The following BNC2 variants were observed in gnomAD, a reference collection of about 807,000 sequenced individuals.
The protein encoded by BNC2 is zinc finger protein basonuclin-2.
Under a neutral mutation model 76.3 loss-of-function variants are expected in BNC2, and 20 were observed. The observed-to-expected ratio is 0.26, with a 90% CI of 0.18 to 0.38. The LOEUF (loss-of-function observed/expected upper bound fraction) is 0.38. Among genes scored for constraint, BNC2 ranks in the 10% least tolerant of loss-of-function variants. The pLI, the probability that BNC2 is intolerant of heterozygous loss-of-function variation, is 1.00. For missense variants in BNC2, 1,382 were observed against 1,399.8 expected, an observed-to-expected ratio of 0.99 and a Z score of 0.20; for synonymous variants, 582 against 514.8, an observed-to-expected ratio of 1.13 and a Z score of -1.77.
At chr9:16,471,118 C>A (rs530804078) in intron 5 of BNC2, among the ~76,000 whole-genome samples, 1 of 152,260 alleles carries the variant, frequency 6.6e-6, no homozygotes, top group East Asian at 1.9e-4. Context: ...GATGTGAGAC[C>A]TGGAGTCAAA....
intron 3 of BNC2, among the ~76,000 whole-genome samples, chr9:16,678,261 CTTTTTCT>C (rs1822713238): frequency 1.3e-5 from 1 of 75,888 alleles, no homozygotes; most frequent in Non-Finnish European, 2.6e-5. Context: ...TGTTTTCTTT[CTTTTTCT>C]TTTTTTTTTT....
intron 3 of BNC2, among the ~76,000 whole-genome samples, chr9:16,679,998 G>C (rs914776913): frequency 2.6e-5 from 4 of 152,136 alleles, no homozygotes; most frequent in South Asian, 2.1e-4. Context: ...GTTTCGCATA[G>C]GGGGAGTGTT....
rs113532208 is a variant in BNC2 at position 16,527,753 on chromosome 9, C to T, written c.669+24777G>A. On this transcript the variant is annotated intron_variant, in intron 5 of 6. Coordinates refer to ENST00000380672, the MANE Select transcript of BNC2 (RefSeq NM_017637.6). The stretch of plus-strand genomic sequence containing the variant: ...GCTGTACCTACTGCTAAGCATTACA[C>T]GGATGCCACAAACTGTAGAATTCAA... Among the ~76,000 whole-genome samples the T allele has an allele frequency of 3.9e-3, 593 of 152,272 alleles. 3 individuals are homozygous for T. Among genetic ancestry groups the T allele is most frequent in the African/African-American group, 0.013 (548 of 41,560 alleles).
At chr9:16,801,488 A>G (rs2254103) in intron 1 of BNC2, among the ~76,000 whole-genome samples, 148,801 of 151,528 alleles carry the variant, frequency 0.98, 73,130 homozygotes, top group East Asian at 1. Context: ...TACCCACCTC[A>G]GCCTCCCAAA....
At chr9:16,622,802 A>T (rs1820899192) in intron 3 of BNC2, among the ~76,000 whole-genome samples, 1 of 152,170 alleles carries the variant, frequency 6.6e-6, no homozygotes, top group Non-Finnish European at 1.5e-5. Context: ...TTAGGTAATT[A>T]CAAAGGGCTA....
At chr9:16,825,505 C>T (rs1019247758) in intron 1 of BNC2, among the ~76,000 whole-genome samples, 4 of 152,040 alleles carry the variant, frequency 2.6e-5, no homozygotes, top group Non-Finnish European at 5.9e-5. Context: ...TTCATGACTG[C>T]ACTACTAGAA....
At chr9:16,807,666 T>G (rs1263740839) in intron 1 of BNC2, among the ~76,000 whole-genome samples, 2 of 152,190 alleles carry the variant, frequency 1.3e-5, no homozygotes, top group African/African-American at 4.8e-5. Flanking sequence ...TAATTCCTGC[T>G]TACATTACTA....
At position 16,652,243 on chromosome 9, in the gene BNC2, T is replaced by G. The variant is rs555608689; in HGVS notation, c.331-69158A>C. 9.2e-5 allele frequency among the ~76,000 whole-genome samples: 14 copies of G among 152,306 alleles called. No individual in the cohort carries two copies. In the East Asian group the frequency reaches 2.7e-3, roughly 29 times the overall value. On this transcript the variant is annotated intron_variant, in intron 3 of 6. Transcript: ENST00000380672. ...TAATTGAGTCATTGTTTTCAGATAA[T>G]AGCACTTTTATTAGAATTTTTTTTC...
intron 3 of BNC2, among the ~76,000 whole-genome samples, chr9:16,659,590 G>C (rs938883871): frequency 2.1e-5 from 3 of 142,218 alleles, no homozygotes; most frequent in African/African-American, 7.7e-5. Flanking sequence ...CCCGGTGACA[G>C]AGCGAGACTC....
intron 2 of BNC2, among the ~76,000 whole-genome samples, chr9:16,736,203 CACTCT>C (rs371816582): frequency 0.011 from 1,709 of 149,344 alleles, 41 homozygotes; most frequent in African/African-American, 0.039. Context: ...CACTGCACTC[CACTCT>C]GTTTCCAAAA....
intron 3 of BNC2, among the ~76,000 whole-genome samples, chr9:16,702,846 G>A (rs1823555103): frequency 6.6e-6 from 1 of 152,146 alleles, no homozygotes; most frequent in Non-Finnish European, 1.5e-5. Context: ...AGAAAATAAA[G>A]GTCAGGGATA....
intron 3 of BNC2, among the ~76,000 whole-genome samples, chr9:16,608,323 G>C (rs1242326482): frequency 2.6e-5 from 4 of 152,050 alleles, no homozygotes; most frequent in African/African-American, 9.7e-5. Flanking sequence ...TAGACACAGA[G>C]TAAATGGTAA....
At chr9:16,449,248 T>C (rs755851531) in intron 5 of BNC2, among the ~76,000 whole-genome samples, 9 of 152,152 alleles carry the variant, frequency 5.9e-5, no homozygotes, top group Non-Finnish European at 1.2e-4. Context: ...CGGTAGTCAT[T>C]TGGAGAGCTG....
chr9:16,561,093 G>T (rs1410114920), intron 4 of BNC2, among the ~76,000 whole-genome samples: 3 of 152,108 alleles, frequency 2.0e-5, no homozygotes, highest in African/African-American at 7.2e-5. Flanking sequence ...ACAAAAATTA[G>T]CCAGGCATGG....
chr9:16,671,172 C>T (rs1822466897), intron 3 of BNC2, among the ~76,000 whole-genome samples: 1 of 152,176 alleles, frequency 6.6e-6, no homozygotes, highest in Admixed American at 6.5e-5. Context: ...TCCTTCATTT[C>T]TACTCTAGGA....
chr9:16,499,280 T>A (rs1389444332), intron 5 of BNC2, among the ~76,000 whole-genome samples: 1 of 152,146 alleles, frequency 6.6e-6, no homozygotes, highest in East Asian at 1.9e-4. Context: ...AAGTTACTTT[T>A]TTGAGGTCAA....
chr9:16,627,974 C>T (rs1343025194), intron 3 of BNC2, among the ~76,000 whole-genome samples: 2 of 152,120 alleles, frequency 1.3e-5, no homozygotes, highest in Admixed American at 6.6e-5. Flanking sequence ...GGACATTTTA[C>T]GGTGTACAAT....
At chr9:16,487,513 A>C (rs1822191363) in intron 5 of BNC2, among the ~76,000 whole-genome samples, 1 of 152,252 alleles carries the variant, frequency 6.6e-6, no homozygotes, top group Non-Finnish European at 1.5e-5. Flanking sequence ...CACTGAAAAG[A>C]GAACATTAAA....
chr9:16,680,210 G>A (rs1208233968), intron 3 of BNC2, among the ~76,000 whole-genome samples: 1 of 150,252 alleles, frequency 6.7e-6, no homozygotes, highest in Non-Finnish European at 1.5e-5. Context: ...ATCTTTTCAG[G>A]GGCTTTTGTT....
Sources: allele counts gnomAD v4.1 joint callset (sites outside exome capture counted in the v4.1 genomes callset), GRCh38; gene constraint gnomAD v4.1.1; transcripts MANE v1.5; gene names NCBI Gene and HGNC (gene_info 2026-07-23, HGNC 2026-07-21).